POMGNT1: variants seen among roughly 807,000 people sequenced by gnomAD.
The protein encoded by POMGNT1 is protein O-linked-mannose beta-1,2-N-acetylglucosaminyltransferase 1.
Under a neutral mutation model 95.6 loss-of-function variants are expected in POMGNT1, and 67 were observed. That is an observed-to-expected ratio of 0.70 (90% CI 0.58 to 0.86). The LOEUF (loss-of-function observed/expected upper bound fraction) is 0.86, where lower values mean the gene tolerates loss of function less well. Ranked by LOEUF, POMGNT1 falls within the 40% of genes least tolerant of loss-of-function variation. The probability of loss-of-function intolerance (pLI) is 0.00; values close to 1 mark genes in which losing one functional copy is unlikely to be tolerated. For missense variants in POMGNT1, 719 were observed against 855.2 expected, an observed-to-expected ratio of 0.84 and a Z score of 1.99; for synonymous variants, 298 against 317.9, an observed-to-expected ratio of 0.94 and a Z score of 0.66.
At chr1:46,193,150 A>G in intron 13 of POMGNT1, 24 bp downstream of exon 13, 1 of 1,614,046 alleles carries the variant, frequency 6.2e-7, no homozygotes, top group African/African-American at 1.3e-5. Context: ...TCCCAGGCCC[A>G]AGAGTTGTAT....
intron 13 of POMGNT1, 36 bp downstream of exon 13, chr1:46,193,138 C>T (rs573421657): frequency 8.1e-6 from 13 of 1,613,812 alleles, no homozygotes; most frequent in South Asian, 1.1e-5. Flanking sequence ...ATGTTTCCCC[C>T]CTCCCAGGCC....
rs1658072717 is a variant in POMGNT1, at chr1:46,194,635, C to G, written c.669G>C (p.Glu223Asp). ...AGAGGGCAGGTGATTTAGAATGTTTCTCCCCGAAGACAGGACCTGGCAGGA... is the reference window on the plus strand; with the variant it reads ...AGAGGGCAGGTGATTTAGAATGTTTGTCCCCGAAGACAGGACCTGGCAGGA... The part of the protein sequence containing the change: ...VGRKGGPVFG[E>D]KHSKSPALSS... The change falls in exon 8 of 22, where the codon GAG becomes GAC. Residue 223 changes from glutamate (E) to aspartate (D), a missense_variant. This residue lies in a region of POMGNT1 where 466 missense variants were observed against 517.4 expected (regional missense o/e 0.90). Transcript: ENST00000371984. 5 of 1,614,238 alleles carry G rather than the reference C, an allele frequency of 3.1e-6. No individual in the cohort carries two copies. The highest frequency in any genetic ancestry group is 4.2e-6 in the Non-Finnish European group (5 of 1,180,028).
chr1:46,197,536 G>A, intron 2 of POMGNT1, 166 bp downstream of exon 2: 1 of 970,610 alleles, frequency 1.0e-6, no homozygotes, highest in Non-Finnish European at 1.2e-6. Context: ...AGAACTTTGG[G>A]TTCAAATCAT....
chr1:46,209,398 A>G (rs1658822613), intron 1 of POMGNT1, among the ~76,000 whole-genome samples: 1 of 152,182 alleles, frequency 6.6e-6, no homozygotes, highest in African/African-American at 2.4e-5. Flanking sequence ...AACTGGGGGC[A>G]CAAGTGGGGC....
chr1:46,206,956 GTC>G (rs1316853906), intron 1 of POMGNT1, among the ~76,000 whole-genome samples: 1 of 152,204 alleles, frequency 6.6e-6, no homozygotes, highest in Non-Finnish European at 1.5e-5. Context: ...TCCTGGAAGA[GTC>G]TTCACTGTAG....
At position 46,194,328 on chromosome 1, in the gene POMGNT1, A is replaced by G. The variant is rs1398706831; in HGVS notation, c.825T>C (p.Tyr275=). The G allele has an allele frequency of 1.9e-6, 3 of 1,614,134 alleles. No individual in the cohort carries two copies. Among genetic ancestry groups the G allele is most frequent in the Admixed American group, 3.3e-5 (2 of 60,026 alleles). ...GGTCCTTGCAGCTGCATACACTTCC[A>G]TAGCCCTCAACTTTGCTGCAGAAGC... ...RRRFCSKVEG[Y]GSVCSCKDPT... The change falls in exon 9 of 22, where the codon TAT becomes TAC. Residue 275 remains tyrosine (Y), a synonymous_variant. Coordinates refer to ENST00000371984, the MANE Select transcript of POMGNT1 (RefSeq NM_017739.4).
At chr1:46,207,467 A>G (rs1468319790) in intron 1 of POMGNT1, among the ~76,000 whole-genome samples, 3 of 151,966 alleles carry the variant, frequency 2.0e-5, no homozygotes, top group East Asian at 1.9e-4. Flanking sequence ...ATGGCCCTCT[A>G]GGTATCTACA....
chr1:46,207,602 G>C (rs1275589191), intron 1 of POMGNT1, among the ~76,000 whole-genome samples: 1 of 150,820 alleles, frequency 6.6e-6, no homozygotes, highest in Admixed American at 6.6e-5. Flanking sequence ...GCAGTGGTGC[G>C]ATCTCGGCTC....
chr1:46,205,193 G>A (rs1658672767), intron 1 of POMGNT1, among the ~76,000 whole-genome samples: 1 of 152,132 alleles, frequency 6.6e-6, no homozygotes, highest in Non-Finnish European at 1.5e-5. Context: ...AGGAAGAGGA[G>A]GTTGCAGTGA....
At chr1:46,207,335 C>T (rs1461930184) in intron 1 of POMGNT1, among the ~76,000 whole-genome samples, 1 of 152,112 alleles carries the variant, frequency 6.6e-6, no homozygotes, top group African/African-American at 2.4e-5. Context: ...CTGCCTCAGC[C>T]TCCCAAAGTG....
At position 46,193,587 on chromosome 1, in the gene POMGNT1, CTG is replaced by C. The variant is rs1571659306; in HGVS notation, c.1001_1002del (p.Thr334SerfsTer4). ...SAQGVSPQMITVFIDGYYEEP... is the reference protein window; with the variant it reads ...SAQGVSPQMIXVFIDGYYEEP... The stretch of plus-strand genomic sequence containing the variant: ...ACCTCATAGTAGCCGTCAATGAAAA[CTG>C]TTATCATCTGAGGAGACACCCCCTG... On this transcript the variant is annotated frameshift_variant, in exon 11 of 22. Transcript: ENST00000371984. LOFTEE classifies it high-confidence loss of function. 6.2e-7 allele frequency: 1 copy of C among 1,614,208 alleles called. No individual in the cohort carries two copies. The highest frequency in any genetic ancestry group is 8.5e-7 in the Non-Finnish European group (1 of 1,180,022).
chr1:46,219,844 C>T (rs754199772), exon 1 of POMGNT1: 1 of 1,614,160 alleles, frequency 6.2e-7, no homozygotes, highest in South Asian at 1.1e-5. Context: ...TATAGCCTGA[C>T]AGGCGGGAGC....
At chr1:46,204,805 C>T (rs1227001144) in intron 1 of POMGNT1, among the ~76,000 whole-genome samples, 1 of 152,222 alleles carries the variant, frequency 6.6e-6, no homozygotes, top group Non-Finnish European at 1.5e-5. Flanking sequence ...CCTCACTGTA[C>T]AAACTTTAGC....
Position 46,194,843 on chromosome 1 carries a change from C to G in POMGNT1, c.652+1G>C. The G allele has an allele frequency of 5.6e-6, 9 of 1,614,156 alleles. No homozygotes were observed. Among genetic ancestry groups the G allele is most frequent in the Non-Finnish European group, 7.6e-6 (9 of 1,180,028 alleles). On this transcript the variant is annotated splice_donor_variant, in intron 7 of 21. Transcript: ENST00000371984. LOFTEE classifies it high-confidence loss of function. ...GAGTGGATGGCCTCTGATGCCGGCACCTCCTTTTCGTCCCACGAAGGCCCA... is the reference window on the plus strand; with the variant it reads ...GAGTGGATGGCCTCTGATGCCGGCAGCTCCTTTTCGTCCCACGAAGGCCCA...
At chr1:46,197,555 G>T in intron 2 of POMGNT1, 147 bp downstream of exon 2, 1 of 1,552,900 alleles carries the variant, frequency 6.4e-7, no homozygotes, top group Non-Finnish European at 8.8e-7. Context: ...ATTACCTATA[G>T]GGACATGACA....
rs12737140 is a variant in POMGNT1, at chr1:46,197,689, G to A, written c.120+13C>T. ...GGAGCGCTCGGTGGGGAGGGTTTGG[G>A]ACATCTCTATACCTGACAGAATCTC... On this transcript the variant is annotated intron_variant, in intron 2 of 21. Transcript: ENST00000371984. 7,704 of 1,614,058 alleles carry A rather than the reference G, an allele frequency of 4.8e-3. 37 individuals are homozygous for A. Among genetic ancestry groups the A allele is most frequent in the Non-Finnish European group, 4.7e-3 (5,569 of 1,179,962 alleles).
At chr1:46,192,670 T>C in intron 14 of POMGNT1, 80 bp from the exon 15 acceptor site, 1 of 1,603,582 alleles carries the variant, frequency 6.2e-7, no homozygotes, top group South Asian at 1.1e-5. Flanking sequence ...TTGCTGGAGC[T>C]GGGTCTCAGG....
At chr1:46,215,724 C>A (rs999920955) in intron 1 of POMGNT1, among the ~76,000 whole-genome samples, 4 of 152,112 alleles carry the variant, frequency 2.6e-5, no homozygotes, top group Non-Finnish European at 5.9e-5. Flanking sequence ...CATAGTGAGA[C>A]CCCATCTACA....
Position 46,193,314 on chromosome 1 carries a change from G to A in POMGNT1, c.1101C>T (p.Arg367=), listed in dbSNP as rs775495503. ...CTTGCCTATGCAGTACCTGAGACAC[G>A]CGGGCATTCTTGATGCTGATGGGAG... ...QHTPISIKNA[R]VSQHYKASLT... Residue 367 remains arginine, a synonymous_variant, in exon 12 of 22, where the codon CGC becomes CGT. Coordinates refer to ENST00000371984, the MANE Select transcript of POMGNT1 (RefSeq NM_017739.4). 101 of 1,613,594 alleles carry A rather than the reference G, an allele frequency of 6.3e-5. No homozygotes were observed. Among genetic ancestry groups the A allele is most frequent in the Non-Finnish European group, 7.8e-5 (92 of 1,179,868 alleles).
Sources: allele counts gnomAD v4.1 joint callset (sites outside exome capture counted in the v4.1 genomes callset), GRCh38; gene constraint gnomAD v4.1.1; regional missense constraint gnomAD v4.1.1; transcripts MANE v1.5; gene names NCBI Gene and HGNC (gene_info 2026-07-23, HGNC 2026-07-21).